The following TRAM2 variants were observed in gnomAD, a reference collection of about 807,000 sequenced individuals.
The protein encoded by TRAM2 is translocating chain-associated membrane protein 2.
TRAM2 carries 12 observed loss-of-function variants against 51.0 expected under a neutral mutation model. The ratio of observed to expected loss-of-function variants is 0.24; its 90% CI spans 0.15 to 0.38. The LOEUF is 0.38. TRAM2 is among the 10% of genes least tolerant of loss of function. TRAM2 has a pLI of 1.00. For missense variants in TRAM2, 361 were observed against 462.0 expected (o/e 0.78, Z 2.00); for synonymous variants, 175 against 179.4 (o/e 0.98, Z 0.20).
In TRAM2 at chr6:52,497,518, C is replaced by T. The variant is rs190051243; in HGVS notation, c.*5679G>A. On this transcript the variant is annotated 3_prime_UTR_variant, in exon 11 of 11. Transcript: ENST00000182527. ...AATTTGTTTTAAAACCAGACAGAAA[C>T]AGTGGAAAAATGATTTTGAAAAAAA... The T allele has an allele frequency of 1.3e-5, 2 of 152,562 alleles. No homozygotes were observed. The highest frequency in any genetic ancestry group is 4.8e-5 in the African/African-American group (2 of 41,504). The allele number at this position is 152,562 out of a possible 1,614,324, so 9.5% of individuals were successfully genotyped here. A position where few individuals can be genotyped will look rare whatever the true frequency, so the allele number is the denominator to read the frequency against.
intron 2 of TRAM2, among the ~76,000 whole-genome samples, chr6:52,534,869 A>C (rs1018240011): frequency 5.9e-5 from 9 of 152,070 alleles, no homozygotes; most frequent in Non-Finnish European, 1.3e-4. Context: ...CCTCAACTGT[A>C]CTGGGAACTG....
At chr6:52,542,234 G>A (rs935842144) in intron 1 of TRAM2, among the ~76,000 whole-genome samples, 1 of 150,458 alleles carries the variant, frequency 6.6e-6, no homozygotes, top group Non-Finnish European at 1.5e-5. Flanking sequence ...GGAAAGTTAC[G>A]CCCAATTGGT....
At chr6:52,552,757 A>G (rs932455) in intron 1 of TRAM2, among the ~76,000 whole-genome samples, 33,737 of 152,088 alleles carry the variant, frequency 0.22, 3,929 homozygotes, top group Non-Finnish European at 0.27. Context: ...TCTCCCCAGG[A>G]TGGGAGGTGG....
chr6:52,526,190 C>G (rs1309040537), intron 2 of TRAM2, among the ~76,000 whole-genome samples: 1 of 117,772 alleles, frequency 8.5e-6, no homozygotes, highest in South Asian at 2.9e-4. Flanking sequence ...CACACACACA[C>G]ACACACACAC....
intron 2 of TRAM2, among the ~76,000 whole-genome samples, chr6:52,526,979 T>G (rs1226216895): frequency 6.6e-6 from 1 of 152,214 alleles, no homozygotes; most frequent in Non-Finnish European, 1.5e-5. Flanking sequence ...CAAAAAAATT[T>G]TTTTTAATTA....
intron 1 of TRAM2, among the ~76,000 whole-genome samples, chr6:52,547,839 T>TA (rs1284041541): frequency 6.6e-6 from 1 of 152,210 alleles, no homozygotes; most frequent in African/African-American, 2.4e-5. Context: ...AACCCACAGA[T>TA]ATGCAGATAA....
intron 1 of TRAM2, among the ~76,000 whole-genome samples, chr6:52,544,636 C>G (rs1485536432): frequency 6.6e-6 from 1 of 152,254 alleles, no homozygotes; most frequent in African/African-American, 2.4e-5. Flanking sequence ...CGTGAGGGAA[C>G]CCGATAAGCA....
At chr6:52,552,753 C>G (rs1403381803) in intron 1 of TRAM2, among the ~76,000 whole-genome samples, 2 of 152,126 alleles carry the variant, frequency 1.3e-5, no homozygotes, top group Non-Finnish European at 2.9e-5. Context: ...TCTTTCTCCC[C>G]AGGATGGGAG....
At chr6:52,567,053 A>T (rs1767601062) in intron 1 of TRAM2, among the ~76,000 whole-genome samples, 1 of 152,246 alleles carries the variant, frequency 6.6e-6, no homozygotes, top group Non-Finnish European at 1.5e-5. Context: ...TTCACACAAA[A>T]GCACTGCTTA....
chr6:52,559,314 T>C (rs1767458474), intron 1 of TRAM2, among the ~76,000 whole-genome samples: 1 of 152,198 alleles, frequency 6.6e-6, no homozygotes. Flanking sequence ...GGCTCACCAA[T>C]TTACTAGCTG....
At chr6:52,563,544 C>T (rs1767535231) in intron 1 of TRAM2, among the ~76,000 whole-genome samples, 1 of 151,598 alleles carries the variant, frequency 6.6e-6, no homozygotes, top group African/African-American at 2.4e-5. Context: ...ACGGTGAAAC[C>T]CCGTCTCTAC....
At position 52,509,573 on chromosome 6, in the gene TRAM2, G is replaced by A. The variant is rs1766416708; in HGVS notation, c.425C>T (p.Thr142Ile). 6.2e-7 allele frequency: 1 copy of A among 1,613,970 alleles called. No individual in the cohort carries two copies. The highest frequency in any genetic ancestry group is 1.3e-5 in the African/African-American group (1 of 74,902). ...GTCTTCCCAGAGGCTTCTTGGGTTT[G>A]TTAAGTATCCTTCCTGCAGTGGGCA... ...FYVVVTEGYL[T>I]NPRSLWEDYP... The change falls in exon 5 of 11, where the codon ACA (threonine) becomes ATA (isoleucine). Residue 142 changes from threonine (T) to isoleucine (I), a missense_variant. By Grantham distance (89) the Thr-to-Ile change is moderately conservative (BLOSUM62 -1). Coordinates refer to ENST00000182527, the MANE Select transcript of TRAM2 (RefSeq NM_012288.4).
At chr6:52,520,731 C>T (rs1766656866) in intron 2 of TRAM2, among the ~76,000 whole-genome samples, 1 of 152,164 alleles carries the variant, frequency 6.6e-6, no homozygotes, top group South Asian at 2.1e-4. Context: ...CCAAATGCCA[C>T]CTCAAGGTCA....
rs1192182605 is a variant in TRAM2, at chr6:52,501,008, A to G, written c.*2189T>C. ...TAGGAGGCTGCTGGCTGAACATGCG[A>G]TTTGCAGTTATTAGGCAAGGTGGGG... On this transcript the variant is annotated 3_prime_UTR_variant, in exon 11 of 11. Coordinates refer to ENST00000182527, the MANE Select transcript of TRAM2 (RefSeq NM_012288.4). 2 of 152,222 alleles carry G rather than the reference A, an allele frequency of 1.3e-5. No individual in the cohort carries two copies. The highest frequency in any genetic ancestry group is 4.8e-5 in the African/African-American group (2 of 41,438). The allele number at this position is 152,222 out of a possible 1,614,324, so 9.4% of individuals were successfully genotyped here.
In TRAM2 at chr6:52,507,719, T is replaced by C; in HGVS notation, c.556-96A>G. 3 of 1,161,900 alleles carry C rather than the reference T, an allele frequency of 2.6e-6. No homozygotes were observed. In the South Asian group the frequency reaches 4.1e-5, roughly 16 times the overall value. 72.0% of individuals were successfully genotyped at this position (1,161,900 alleles called of 1,614,324 possible). A position where few individuals can be genotyped will look rare whatever the true frequency, so the allele number is the denominator to read the frequency against. Reference sequence around the variant, plus strand: ...GCAGGGGGATGAGAGAGGGCCAGGCTCCTCTGGGCTGCTTTAACACACAGT... The same window carrying C: ...GCAGGGGGATGAGAGAGGGCCAGGCCCCTCTGGGCTGCTTTAACACACAGT... On this transcript the variant is annotated intron_variant, in intron 6 of 10. Coordinates refer to ENST00000182527, the MANE Select transcript of TRAM2 (RefSeq NM_012288.4).
chr6:52,500,553 A>C lies in TRAM2; in HGVS notation c.*2644T>G, dbSNP rs1421383088. Reference sequence around the variant, plus strand: ...GTTTTTTTTTTTTTTTTTACATAAAATAAACCCTTAGCACACCCGTCCACT... The same window carrying C: ...GTTTTTTTTTTTTTTTTTACATAAACTAAACCCTTAGCACACCCGTCCACT... On this transcript the variant is annotated 3_prime_UTR_variant, in exon 11 of 11. Transcript: ENST00000182527. The C allele has an allele frequency of 6.6e-6, 1 of 150,400 alleles. No individual in the cohort carries two copies. Among genetic ancestry groups the C allele is most frequent in the East Asian group, 1.9e-4 (1 of 5,182 alleles). The allele number at this position is 150,400 out of a possible 1,614,324, so 9.3% of individuals were successfully genotyped here.
intron 1 of TRAM2, among the ~76,000 whole-genome samples, chr6:52,546,611 T>C (rs1767205439): frequency 6.6e-6 from 1 of 152,198 alleles, no homozygotes; most frequent in Non-Finnish European, 1.5e-5. Context: ...GCTCAGGTCT[T>C]GTTCAGGAAA....
At chr6:52,565,396 G>A (rs867422147) in intron 1 of TRAM2, among the ~76,000 whole-genome samples, 1 of 152,150 alleles carries the variant, frequency 6.6e-6, no homozygotes, top group African/African-American at 2.4e-5. Context: ...GCAAGGCAGG[G>A]GAGGGCAAGT....
At chr6:52,555,950 T>G (rs965786322) in intron 1 of TRAM2, among the ~76,000 whole-genome samples, 1 of 152,188 alleles carries the variant, frequency 6.6e-6, no homozygotes, top group African/African-American at 2.4e-5. Context: ...AAAAACAACA[T>G]GTAAAACGCA....
Sources: allele counts gnomAD v4.1 joint callset (sites outside exome capture counted in the v4.1 genomes callset), GRCh38; gene constraint gnomAD v4.1.1; transcripts MANE v1.5; gene names NCBI Gene and HGNC (gene_info 2026-07-23, HGNC 2026-07-21).